The following RNF220 variants were observed in gnomAD, a reference collection of about 807,000 sequenced individuals.
The protein encoded by RNF220 is ring finger protein 220, also known as E3 ubiquitin-protein ligase RNF220.
In RNF220, 7 loss-of-function variants were observed where a neutral mutation model predicts 67.1. That is an observed-to-expected ratio of 0.10 (90% CI 0.06 to 0.20). The LOEUF is 0.20. Ranked by LOEUF, RNF220 falls within the 10% of genes least tolerant of loss-of-function variation. The pLI is 1.00. For synonymous variants in RNF220, 270 were observed against 283.2 expected, an observed-to-expected ratio of 0.95 and a Z score of 0.47; for missense variants, 565 against 740.3, an observed-to-expected ratio of 0.76 and a Z score of 2.75.
At position 44,650,930 on chromosome 1, in the gene RNF220, A is replaced by C; in HGVS notation, c.*155A>C. The C allele has an allele frequency of 9.0e-6, 6 of 664,568 alleles. No individual in the cohort carries two copies. Among genetic ancestry groups the C allele is most frequent in the Non-Finnish European group, 1.3e-5 (5 of 373,742 alleles). The allele number at this position is 664,568 out of a possible 1,614,324, so 41.2% of individuals were successfully genotyped here. ...TGCGTACACACACACACATTTACAC[A>C]CGCAGGACTCTGGAGCCAGAGTAGA... On this transcript the variant is annotated 3_prime_UTR_variant, in exon 15 of 15. Transcript: ENST00000361799. The surrounding 1 kb of genome is among the most constrained non-coding windows in gnomAD (Gnocchi z 4.3).
intron 2 of RNF220, among the ~76,000 whole-genome samples, chr1:44,534,199 C>T (rs760786578): frequency 4.6e-5 from 7 of 151,978 alleles, no homozygotes; most frequent in South Asian, 4.2e-4. Context: ...AGGCTGGTCT[C>T]GAACTCCTGC....
At position 44,621,095 on chromosome 1, in the gene RNF220, T is replaced by C. The variant is rs1223786641; in HGVS notation, c.759-1647T>C. On this transcript the variant is annotated intron_variant, in intron 3 of 14. Coordinates refer to ENST00000361799, the MANE Select transcript of RNF220 (RefSeq NM_018150.4). This position sits in a 1 kb window ranked among gnomAD's most constrained non-coding sequence, Gnocchi z 4.8. The stretch of plus-strand genomic sequence containing the variant: ...CACGCCCAGCTAATTTTTGTATTTT[T>C]AGTAGAGACGGGGTTTCACCATGTT... 6.6e-6 allele frequency among the ~76,000 whole-genome samples: 1 copy of C among 152,142 alleles called. No homozygotes were observed. The highest frequency in any genetic ancestry group is 1.5e-5 in the Non-Finnish European group (1 of 68,012).
chr1:44,638,268 A>G (rs1644388164), intron 8 of RNF220: 1 of 152,242 alleles, frequency 6.6e-6, no homozygotes, highest in Admixed American at 6.5e-5. Flanking sequence ...GCGCGTGCTT[A>G]ATGTGATTGA....
chr1:44,421,953 C>G (rs910460508), intron 2 of RNF220, among the ~76,000 whole-genome samples: 10 of 152,136 alleles, frequency 6.6e-5, no homozygotes, highest in Non-Finnish European at 1.3e-4. Context: ...AGCCAATCAT[C>G]TGATACCTCA....
chr1:44,511,161 C>T (rs1658959536), intron 2 of RNF220, among the ~76,000 whole-genome samples: 1 of 152,178 alleles, frequency 6.6e-6, no homozygotes. Flanking sequence ...ACACTAAAGA[C>T]TACAGCCAAT....
chr1:44,472,224 G>T (rs747619942), intron 2 of RNF220, among the ~76,000 whole-genome samples: 2 of 152,222 alleles, frequency 1.3e-5, no homozygotes, highest in Admixed American at 1.3e-4. Flanking sequence ...GTTCTCTTGG[G>T]TATATATCTA....
chr1:44,569,709 G>T (rs1664295004), intron 2 of RNF220, among the ~76,000 whole-genome samples: 1 of 152,338 alleles, frequency 6.6e-6, no homozygotes, highest in East Asian at 1.9e-4. Context: ...TGAGAAGCCA[G>T]GGTCTGGTGG....
intron 2 of RNF220, among the ~76,000 whole-genome samples, chr1:44,557,249 G>C (rs1452693300): frequency 6.7e-6 from 1 of 149,484 alleles, no homozygotes; most frequent in Non-Finnish European, 1.5e-5. Flanking sequence ...GGCTGGGCGA[G>C]GTGACTCACA....
chr1:44,509,767 A>G (rs1658789621), intron 2 of RNF220, among the ~76,000 whole-genome samples: 1 of 148,982 alleles, frequency 6.7e-6, no homozygotes. Context: ...CACACCTGTC[A>G]TCCCAGCTAC....
intron 2 of RNF220, among the ~76,000 whole-genome samples, chr1:44,519,007 C>T (rs767567560): frequency 5.9e-5 from 9 of 151,488 alleles, no homozygotes; most frequent in African/African-American, 9.7e-5. Context: ...AATGAATGAA[C>T]GAACAAATGA....
chr1:44,436,592 T>C (rs1650999047), intron 2 of RNF220, among the ~76,000 whole-genome samples: 1 of 152,160 alleles, frequency 6.6e-6, no homozygotes, highest in African/African-American at 2.4e-5. Context: ...AGGTTCAAGT[T>C]GAGTGCACTC....
Position 44,409,868 on chromosome 1 carries a change from G to A in RNF220, c.-117-2113G>A, listed in dbSNP as rs1039446165. Among the ~76,000 whole-genome samples, 3 of 151,852 alleles carry A rather than the reference G, an allele frequency of 2.0e-5. No homozygotes were observed. In the South Asian group the frequency reaches 6.2e-4, roughly 32 times the overall value. On this transcript the variant is annotated intron_variant, in intron 1 of 14. Transcript: ENST00000361799. ...TCTATACAAGTTGTTAATGTGAGGA[G>A]AGGGTAAGAAAGAAAAGGGAAAAGA...
chr1:44,633,345 A>G (rs1015516363), intron 6 of RNF220, among the ~76,000 whole-genome samples: 34 of 152,222 alleles, frequency 2.2e-4, no homozygotes, highest in African/African-American at 6.0e-4. Flanking sequence ...CCATGATTCA[A>G]TTGAAGTTTG....
intron 5 of RNF220, 44 bp downstream of exon 5, chr1:44,626,442 G>C (rs940166668): frequency 2.7e-6 from 4 of 1,499,072 alleles, no homozygotes; most frequent in African/African-American, 2.8e-5. Flanking sequence ...AGCTCACCTG[G>C]GGGAGGGCTT....
intron 2 of RNF220, among the ~76,000 whole-genome samples, chr1:44,576,501 T>C (rs1302219654): frequency 6.6e-6 from 1 of 152,168 alleles, no homozygotes; most frequent in Non-Finnish European, 1.5e-5. Flanking sequence ...TCCCTCCCAA[T>C]TCTAGTGCCC....
At chr1:44,552,742 T>G (rs1229080157) in intron 2 of RNF220, among the ~76,000 whole-genome samples, 10 of 151,754 alleles carry the variant, frequency 6.6e-5, no homozygotes, top group Admixed American at 6.6e-4. Context: ...GGCTAATTTT[T>G]GTATATTTAG....
At chr1:44,593,806 G>A (rs1572982229) in intron 2 of RNF220, among the ~76,000 whole-genome samples, 1 of 151,984 alleles carries the variant, frequency 6.6e-6, no homozygotes, top group East Asian at 2.0e-4. Context: ...CTCTTGGCCG[G>A]GCATGGTGGC....
intron 2 of RNF220, among the ~76,000 whole-genome samples, chr1:44,552,719 C>A (rs975751954): frequency 6.6e-6 from 1 of 151,642 alleles, no homozygotes; most frequent in Non-Finnish European, 1.5e-5. Flanking sequence ...TACGGGCACC[C>A]GCCACCACGC....
chr1:44,469,203 T>C (rs980081131), intron 2 of RNF220, among the ~76,000 whole-genome samples: 3 of 152,218 alleles, frequency 2.0e-5, no homozygotes, highest in African/African-American at 7.2e-5. Flanking sequence ...TGAACTCTAT[T>C]ATTAGATGTG....
Sources: gnomAD v4.1 joint callset for allele counts (sites outside exome capture counted in the v4.1 genomes callset) on GRCh38, gnomAD v4.1.1 for gene constraint, Gnocchi (gnomAD v3.1) non-coding constraint, MANE v1.5 for transcripts, NCBI Gene and HGNC (gene_info 2026-07-23, HGNC 2026-07-21) for gene names.